SEZ6L: variants seen among roughly 807,000 people sequenced by gnomAD.
The protein encoded by SEZ6L is seizure 6-like protein.
A neutral mutation model predicts 106.2 loss-of-function variants in SEZ6L; 37 were observed. The ratio of observed to expected loss-of-function variants is 0.35; its 90% confidence interval spans 0.27 to 0.46. SEZ6L has a LOEUF of 0.46. SEZ6L is among the 20% of genes least tolerant of loss of function. The probability of loss-of-function intolerance (pLI) is 1.00; values close to 1 mark genes in which losing one functional copy is unlikely to be tolerated. For missense variants in SEZ6L, 1,172 were observed against 1,332.8 expected, an observed-to-expected ratio of 0.88 and a Z score of 1.88; for synonymous variants, 541 against 570.4, an observed-to-expected ratio of 0.95 and a Z score of 0.73.
chr22:26,236,780 CA>C (rs1256394581), intron 1 of SEZ6L, among the ~76,000 whole-genome samples: 1 of 152,190 alleles, frequency 6.6e-6, no homozygotes, highest in Non-Finnish European at 1.5e-5. Flanking sequence ...GGCTTAAAAT[CA>C]ATCAGTAATA....
intron 7 of SEZ6L, 134 bp from the exon 8 acceptor site, chr22:26,311,634 A>G (rs1173634343): frequency 1.3e-6 from 1 of 798,212 alleles, no homozygotes; most frequent in Non-Finnish European, 2.1e-6. Context: ...GTCAGCTGGA[A>G]CCAGGACACG....
intron 9 of SEZ6L, among the ~76,000 whole-genome samples, chr22:26,327,009 C>T (rs562493143): frequency 3.3e-5 from 5 of 152,258 alleles, no homozygotes; most frequent in South Asian, 2.1e-4. Context: ...TCTGGCCGCT[C>T]GGATTGGCCA....
rs772319909 is a variant in SEZ6L at position 26,375,735 on chromosome 22, G to C, written c.2942+46G>C. 3.5e-6 allele frequency: 5 copies of C among 1,445,068 alleles called. No homozygotes were observed. The African/African-American group carries it at 5.6e-5, about 16-fold the overall frequency. The allele number at this position is 1,445,068 out of a possible 1,614,324, so 89.5% of individuals were successfully genotyped here. A position where few individuals can be genotyped will look rare whatever the true frequency, so the allele number is the denominator to read the frequency against. On this transcript the variant is annotated intron_variant, in intron 15 of 16. Transcript: ENST00000248933. ...ATGACTGCCAAGCACCCAGCCACCA[G>C]TACTCAGAGGGACTGGGCGGTTCAC...
In SEZ6L at chr22:26,169,741, C is replaced by T; in HGVS notation, c.72C>T (p.Ser24=). 1.6e-6 allele frequency: 2 copies of T among 1,262,456 alleles called. No homozygotes were observed. Among genetic ancestry groups the T allele is most frequent in the South Asian group, 2.9e-5 (1 of 34,274 alleles). 78.2% of individuals were successfully genotyped at this position (1,262,456 alleles called of 1,614,324 possible). A position where few individuals can be genotyped will look rare whatever the true frequency, so the allele number is the denominator to read the frequency against. The part of the protein sequence containing the change: ...ISLFLALLLG[S]PAAALERDAL... ...TGTTCCTCGCTCTGCTCCTGGGGAG[C>T]CCGGCGGCAGCGCTGGAGCGAGGTA... Residue 24 remains serine, a synonymous_variant, in exon 1 of 17, where the codon AGC becomes AGT. Coordinates refer to ENST00000248933, the MANE Select transcript of SEZ6L (RefSeq NM_021115.5).
intron 12 of SEZ6L, 50 bp downstream of exon 12, chr22:26,351,293 C>T (rs2083270436): frequency 1.3e-6 from 2 of 1,557,146 alleles, no homozygotes; most frequent in South Asian, 1.2e-5. Context: ...AGCAGATTCA[C>T]TTTCTCTTGT....
At position 26,382,083 on chromosome 22, in the gene SEZ6L, A is replaced by C. The variant is rs759441426; in HGVS notation, c.*1788A>C. 2 of 517,986 alleles carry C rather than the reference A, an allele frequency of 3.9e-6. No homozygotes were observed. 32.1% of individuals were successfully genotyped at this position (517,986 alleles called of 1,614,324 possible). A position where few individuals can be genotyped will look rare whatever the true frequency, so the allele number is the denominator to read the frequency against. ...AAGACCAGAATATTTTCCTTCTGCC[A>C]GAAAAGAATCTTGCACATATACTCC... On this transcript the variant is annotated 3_prime_UTR_variant, in exon 17 of 17. Transcript: ENST00000248933.
At chr22:26,337,949 C>T (rs1250152760) in intron 9 of SEZ6L, among the ~76,000 whole-genome samples, 1 of 152,166 alleles carries the variant, frequency 6.6e-6, no homozygotes, top group Non-Finnish European at 1.5e-5. Flanking sequence ...CAATACCTTT[C>T]TTTGTGTTTC....
At chr22:26,178,916 A>G (rs980896101) in intron 1 of SEZ6L, among the ~76,000 whole-genome samples, 1 of 152,150 alleles carries the variant, frequency 6.6e-6, no homozygotes, top group Non-Finnish European at 1.5e-5. Context: ...AGGAAATAGT[A>G]TATTCTAATG....
At chr22:26,177,783 T>C (rs1039585472) in intron 1 of SEZ6L, among the ~76,000 whole-genome samples, 1 of 152,124 alleles carries the variant, frequency 6.6e-6, no homozygotes, top group Non-Finnish European at 1.5e-5. Flanking sequence ...AGAGGTTGTA[T>C]AGTTAGAGTA....
At chr22:26,283,403 A>G (rs578108688) in intron 1 of SEZ6L, among the ~76,000 whole-genome samples, 1 of 152,328 alleles carries the variant, frequency 6.6e-6, no homozygotes, top group Admixed American at 6.5e-5. Context: ...TAAAAAGAGT[A>G]AAGTGACTAT....
At chr22:26,257,667 GA>G (rs2079868407) in intron 1 of SEZ6L, among the ~76,000 whole-genome samples, 1 of 152,146 alleles carries the variant, frequency 6.6e-6, no homozygotes, top group Admixed American at 6.5e-5. Flanking sequence ...ACTAAAGAGG[GA>G]AAACCATGAA....
intron 1 of SEZ6L, among the ~76,000 whole-genome samples, chr22:26,226,746 A>G (rs1265179363): frequency 1.3e-5 from 2 of 152,168 alleles, no homozygotes; most frequent in African/African-American, 4.8e-5. Flanking sequence ...ATGTGACACC[A>G]TCTGGCCAAT....
At chr22:26,322,267 C>T (rs757865297) in intron 9 of SEZ6L, among the ~76,000 whole-genome samples, 71 of 152,164 alleles carry the variant, frequency 4.7e-4, no homozygotes, top group Non-Finnish European at 8.2e-4. Context: ...AGAGAGGTTA[C>T]GTGGTTTCCT....
At chr22:26,313,592 ACACACACACACG>A (rs1268007692) in intron 8 of SEZ6L, among the ~76,000 whole-genome samples, 160 bp from the exon 9 acceptor site, 7,424 of 87,408 alleles carry the variant, frequency 0.085, 217 homozygotes, top group African/African-American at 0.18. Context: ...ACACACACAC[ACACACACACACG>A]CACACACACA....
At chr22:26,187,798 G>A (rs1326092487) in intron 1 of SEZ6L, among the ~76,000 whole-genome samples, 2 of 152,074 alleles carry the variant, frequency 1.3e-5, no homozygotes, top group Non-Finnish European at 2.9e-5. Flanking sequence ...AACATTGCTG[G>A]GTAAATTAAA....
chr22:26,348,646 A>AAGAAAGAG (rs1556371589), intron 11 of SEZ6L, among the ~76,000 whole-genome samples: 2 of 7,694 alleles, frequency 2.6e-4, no homozygotes, highest in African/African-American at 1.6e-3. Context: ...GAAAGAAAGA[A>AAGAAAGAG]AAAGAAAGAA....
chr22:26,271,692 C>T (rs1025451675), intron 1 of SEZ6L, among the ~76,000 whole-genome samples: 4 of 152,120 alleles, frequency 2.6e-5, no homozygotes, highest in Non-Finnish European at 5.9e-5. Context: ...CATCTTCTGC[C>T]GTGATTAAAA....
intron 12 of SEZ6L, among the ~76,000 whole-genome samples, chr22:26,354,894 C>T (rs540612411): frequency 2.0e-5 from 3 of 152,306 alleles, no homozygotes; most frequent in South Asian, 4.1e-4. Flanking sequence ...TCAGGAGACA[C>T]GCGGTACTCC....
At chr22:26,329,326 G>A (rs2082411145) in intron 9 of SEZ6L, among the ~76,000 whole-genome samples, 1 of 152,042 alleles carries the variant, frequency 6.6e-6, no homozygotes, top group African/African-American at 2.4e-5. Flanking sequence ...AAATTAGCTG[G>A]GCTTGGTGGT....
Sources: gnomAD v4.1 joint callset for allele counts (sites outside exome capture counted in the v4.1 genomes callset) on GRCh38, gnomAD v4.1.1 for gene constraint, MANE v1.5 for transcripts, NCBI Gene and HGNC (gene_info 2026-07-23, HGNC 2026-07-21) for gene names.